The following KLF7 variants were observed in gnomAD, a reference collection of about 807,000 sequenced individuals.
KLF7 encodes the protein KLF transcription factor 7.
Under a neutral mutation model 27.3 loss-of-function variants are expected in KLF7, and 2 were observed. The ratio of observed to expected loss-of-function variants is 0.07; its 90% CI spans 0.03 to 0.23. KLF7 has a LOEUF of 0.23. Ranked by LOEUF, KLF7 falls within the 10% of genes least tolerant of loss-of-function variation. KLF7 has a pLI of 1.00. For synonymous variants in KLF7, 165 were observed against 162.4 expected, an observed-to-expected ratio of 1.02 and a Z score of -0.12; for missense variants, 221 against 394.1, an observed-to-expected ratio of 0.56 and a Z score of 3.72.
upstream of KLF7, chr2:207,166,371 C>G (rs912670540): frequency 2.9e-4 from 53 of 180,988 alleles, no homozygotes; most frequent in African/African-American, 1.2e-3. Context: ...GGGGCTGAGG[C>G]GGCCGCCCGG....
intron 2 of KLF7, among the ~76,000 whole-genome samples, chr2:207,106,126 A>C (rs2076877964): frequency 6.6e-6 from 1 of 152,248 alleles, no homozygotes; most frequent in South Asian, 2.1e-4. Context: ...TATGTGGCTC[A>C]CATTACATTT....
intron 2 of KLF7, among the ~76,000 whole-genome samples, chr2:207,092,679 G>A (rs575845442): frequency 9.2e-5 from 14 of 152,154 alleles, no homozygotes; most frequent in Non-Finnish European, 1.6e-4. Flanking sequence ...CATTTTGTTA[G>A]TTTCTTACAG....
intron 1 of KLF7, among the ~76,000 whole-genome samples, chr2:207,129,995 T>C (rs1479972988): frequency 1.3e-5 from 2 of 152,252 alleles, no homozygotes; most frequent in African/African-American, 4.8e-5. Context: ...TTTGGTTATA[T>C]ATGGGCATGG....
intron 3 of KLF7, among the ~76,000 whole-genome samples, chr2:207,082,802 G>C (rs1246107897): frequency 6.6e-6 from 1 of 152,102 alleles, no homozygotes; most frequent in Non-Finnish European, 1.5e-5. Flanking sequence ...TCCTGTTCAG[G>C]GCAGGATTTC....
intron 3 of KLF7, among the ~76,000 whole-genome samples, chr2:207,082,658 G>A (rs948457880): frequency 6.6e-6 from 1 of 152,092 alleles, no homozygotes; most frequent in Non-Finnish European, 1.5e-5. Flanking sequence ...CTCTCCCCCT[G>A]GATCATTCGC....
rs1256254139 is a variant in KLF7 at position 207,114,698 on chromosome 2, A to C, written c.733+9076T>G. Among the ~76,000 whole-genome samples the C allele has an allele frequency of 2.6e-5, 4 of 152,326 alleles. No individual in the cohort carries two copies. In the East Asian group the frequency reaches 5.8e-4, roughly 22 times the overall value. Reference sequence around the variant, plus strand: ...CAAACTATAGTCCTTATTACAAAACATCCCTGCTAGGAAAATAGCAAGGTC... The same window carrying C: ...CAAACTATAGTCCTTATTACAAAACCTCCCTGCTAGGAAAATAGCAAGGTC... On this transcript the variant is annotated intron_variant, in intron 2 of 3. Transcript: ENST00000309446.
At chr2:207,166,951 C>CCGCCGT, upstream of KLF7, 1 of 881,624 alleles carries the variant, frequency 1.1e-6, no homozygotes, top group Non-Finnish European at 1.4e-6. Context: ...GCCGCCGCCG[C>CCGCCGT]CGCCCTCCCT....
intron 1 of KLF7, among the ~76,000 whole-genome samples, chr2:207,151,707 T>A (rs1164820661): frequency 2.8e-5 from 4 of 142,316 alleles, no homozygotes; most frequent in African/African-American, 7.9e-5. Context: ...AAATAGTCAT[T>A]GGTTTTGAAA....
intron 2 of KLF7, among the ~76,000 whole-genome samples, chr2:207,101,277 C>G (rs1311731772): frequency 1.3e-5 from 2 of 152,204 alleles, no homozygotes; most frequent in African/African-American, 4.8e-5. Context: ...TGGAAAGGCT[C>G]TTCACGTTAG....
At chr2:207,084,841 C>A (rs1262369788) in intron 3 of KLF7, among the ~76,000 whole-genome samples, 2 of 151,996 alleles carry the variant, frequency 1.3e-5, no homozygotes, top group Non-Finnish European at 2.9e-5. Flanking sequence ...AACTAGTCAA[C>A]CCCACAGTCA....
At position 207,124,316 on chromosome 2, in the gene KLF7, G is replaced by C. The variant is rs1043844098; in HGVS notation, c.191C>G (p.Ala64Gly). ...TTCCTCAATGCACGGGGGAGGGGAA[G>C]CGTGGAGGAAACAGTCCAAGTCCTC... ...FGEDLDCFLHASPPPCIEESF... is the reference protein window; with the variant it reads ...FGEDLDCFLHGSPPPCIEESF... The change falls in exon 2 of 4, where the codon GCT (alanine) becomes GGT (glycine). Residue 64 changes from alanine (A) to glycine (G), a missense_variant. Ala to Gly is a moderately conservative substitution (Grantham distance 60). This residue lies in a region of KLF7 where 180 missense variants were observed against 227.9 expected (regional missense o/e 0.79). Coordinates refer to ENST00000309446, the MANE Select transcript of KLF7 (RefSeq NM_003709.4). 1.1e-5 allele frequency: 17 copies of C among 1,612,894 alleles called. No homozygotes were observed. Among genetic ancestry groups the C allele is most frequent in the Non-Finnish European group, 1.4e-5 (17 of 1,179,104 alleles).
chr2:207,127,703 T>C (rs1023514055), intron 1 of KLF7, among the ~76,000 whole-genome samples: 2 of 151,784 alleles, frequency 1.3e-5, no homozygotes, highest in Non-Finnish European at 2.9e-5. Flanking sequence ...ATTAGCCAGG[T>C]GTGGTGGTGC....
At chr2:207,112,291 G>A (rs566904753) in intron 2 of KLF7, among the ~76,000 whole-genome samples, 7 of 151,914 alleles carry the variant, frequency 4.6e-5, no homozygotes, top group African/African-American at 1.2e-4. Context: ...CACTACTAAC[G>A]GCTAGCTGGT....
intron 2 of KLF7, among the ~76,000 whole-genome samples, chr2:207,109,372 A>C (rs1298541301): frequency 6.6e-6 from 1 of 152,238 alleles, no homozygotes; most frequent in Non-Finnish European, 1.5e-5. Flanking sequence ...GAATTCATTT[A>C]TATTGTTTCA....
chr2:207,147,330 T>C lies in KLF7; in HGVS notation c.102+18137A>G, dbSNP rs145543197. 4.5e-3 allele frequency among the ~76,000 whole-genome samples: 679 copies of C among 152,234 alleles called. 2 individuals are homozygous for C. Among genetic ancestry groups the C allele is most frequent in the African/African-American group, 0.016 (652 of 41,524 alleles). On this transcript the variant is annotated intron_variant, in intron 1 of 3. Coordinates refer to ENST00000309446, the MANE Select transcript of KLF7 (RefSeq NM_003709.4). ...TTAAAAAAATTAAAAGCAATGATCA[T>C]ATATGAAGGTCAAAAACATTGAAAC...
chr2:207,166,738 C>T (rs963835645), upstream of KLF7: 43 of 948,574 alleles, frequency 4.5e-5, 2 homozygotes, highest in Admixed American at 1.1e-3. Context: ...GAGGCGGTGC[C>T]GGGGAGGTCC....
In KLF7 at chr2:207,081,132, C is replaced by T. The variant is rs2076261234; in HGVS notation, c.*81G>A. 5.6e-6 allele frequency: 7 copies of T among 1,245,850 alleles called. No individual in the cohort carries two copies. The highest frequency in any genetic ancestry group is 8.3e-6 in the Non-Finnish European group (7 of 845,404). The allele number at this position is 1,245,850 out of a possible 1,614,324, so 77.2% of individuals were successfully genotyped here. On this transcript the variant is annotated 3_prime_UTR_variant, in exon 4 of 4. Coordinates refer to ENST00000309446, the MANE Select transcript of KLF7 (RefSeq NM_003709.4). ...TTTCTTCTGCGAGGCAATGGGTCCC[C>T]GCCTGAAGTCCAGCCCCCTGCCTCA...
In KLF7 at chr2:207,134,154, A is replaced by ACTT; in HGVS notation, c.103-9751_103-9750insAAG. 1.8e-6 allele frequency: 2 copies of ACTT among 1,141,046 alleles called. 1 individual carries two copies. Among genetic ancestry groups the ACTT allele is most frequent in the Non-Finnish European group, 2.3e-6 (2 of 878,156 alleles). 70.7% of individuals were successfully genotyped at this position (1,141,046 alleles called of 1,614,324 possible). The stretch of plus-strand genomic sequence containing the variant: ...GCACAGGCTGACTCGGGCTACTGGG[A>ACTT]TTTTTTTTTTTTTTTTTTTTTAAAG... On this transcript the variant is annotated intron_variant, in intron 1 of 3. Transcript: ENST00000309446.
intron 1 of KLF7, among the ~76,000 whole-genome samples, chr2:207,134,329 C>T (rs1022324903): frequency 4.6e-5 from 7 of 152,054 alleles, no homozygotes; most frequent in Non-Finnish European, 5.9e-5. Flanking sequence ...ACGTGTACAA[C>T]GTTCTCTCTC....
Sources: allele counts gnomAD v4.1 joint callset (sites outside exome capture counted in the v4.1 genomes callset), GRCh38; gene constraint gnomAD v4.1.1; regional missense constraint gnomAD v4.1.1; transcripts MANE v1.5; gene names NCBI Gene and HGNC (gene_info 2026-07-23, HGNC 2026-07-21).